The following TTC39A variants were observed in gnomAD, a reference collection of about 807,000 sequenced individuals.
The protein encoded by TTC39A is tetratricopeptide repeat domain 39A, also known as tetratricopeptide repeat protein 39A.
A neutral mutation model predicts 82.3 loss-of-function variants in TTC39A; 46 were observed. That is an observed-to-expected ratio of 0.56 (90% confidence interval 0.44 to 0.71). The LOEUF is 0.71. Among genes scored for constraint, TTC39A ranks in the 30% least tolerant of loss-of-function variants. The pLI, the probability that TTC39A is intolerant of heterozygous loss-of-function variation, is 0.00. For synonymous variants in TTC39A, 254 were observed against 275.2 expected (o/e 0.92, Z 0.76); for missense variants, 543 against 712.9 (o/e 0.76, Z 2.71).
chr1:51,304,966 A>T, intron 8 of TTC39A, 115 bp downstream of exon 8: 1 of 1,102,308 alleles, frequency 9.1e-7, no homozygotes, highest in Non-Finnish European at 1.4e-6. Flanking sequence ...ATACAATGAG[A>T]GGGGCTGAGC....
At chr1:51,310,080 C>G (rs560289477) in intron 5 of TTC39A, among the ~76,000 whole-genome samples, 4 of 151,840 alleles carry the variant, frequency 2.6e-5, no homozygotes, top group African/African-American at 9.7e-5. Context: ...GCCTGGCCAA[C>G]GTGGTGAAAC....
At chr1:51,293,392 ATT>A (rs1377363593) in intron 14 of TTC39A, among the ~76,000 whole-genome samples, 1 of 151,610 alleles carries the variant, frequency 6.6e-6, no homozygotes. Flanking sequence ...ACCATAAAAT[ATT>A]TTAAAACTTT....
chr1:51,321,689 A>AC lies in TTC39A; in HGVS notation c.146+31dup, dbSNP rs1359788243. The AC allele has an allele frequency of 6.2e-7, 1 of 1,602,802 alleles. No homozygotes were observed. The highest frequency in any genetic ancestry group is 1.1e-5 in the South Asian group (1 of 89,706). On this transcript the variant is annotated intron_variant, in intron 2 of 17. Transcript: ENST00000680483. This position sits in a 1 kb window ranked among gnomAD's most constrained non-coding sequence, Gnocchi z 4.6. ...CTGGTTCTCCCTGACCGTCATGCAC[A>AC]CCCCCTACCCCAACCGGGGCTTGAG... is the stretch of plus-strand genomic sequence containing the variant.
chr1:51,289,889 G>T, intron 16 of TTC39A, 116 bp downstream of exon 16: 1 of 745,370 alleles, frequency 1.3e-6, no homozygotes, highest in Non-Finnish European at 2.2e-6. Flanking sequence ...TAGTACCTGT[G>T]TGGTGAGTGG....
In TTC39A at chr1:51,287,922, AT is replaced by A; in HGVS notation, c.*234del. On this transcript the variant is annotated 3_prime_UTR_variant, in exon 18 of 18. Coordinates refer to ENST00000680483, the MANE Select transcript of TTC39A (RefSeq NM_001297663.2). Reference sequence around the variant, plus strand: ...ATCACAGTGAAAAGCAAGTACCCGTATGTGTGATAGGGCAGGCAGAGGGCTC... The same window carrying A: ...ATCACAGTGAAAAGCAAGTACCCGTAGTGTGATAGGGCAGGCAGAGGGCTC... 1 of 523,176 alleles carries A rather than the reference AT, an allele frequency of 1.9e-6. No individual in the cohort carries two copies. The highest frequency in any genetic ancestry group is 5.1e-4 in the Middle Eastern group (1 of 1,966). 32.4% of individuals were successfully genotyped at this position (523,176 alleles called of 1,614,324 possible). A position where few individuals can be genotyped will look rare whatever the true frequency, so the allele number is the denominator to read the frequency against.
chr1:51,313,651 A>G (rs772899780), intron 2 of TTC39A, among the ~76,000 whole-genome samples: 9 of 152,110 alleles, frequency 5.9e-5, no homozygotes, highest in Non-Finnish European at 1.2e-4. Context: ...TCCATGAGAA[A>G]ATCCCACATT....
chr1:51,333,217 C>CA, upstream of TTC39A, among the ~76,000 whole-genome samples: 1 of 115,152 alleles, frequency 8.7e-6, no homozygotes. Context: ...CCATCGCCCC[C>CA]ACCAAAAAAA....
chr1:51,295,231 G>A (rs1004141649), intron 13 of TTC39A, among the ~76,000 whole-genome samples: 1 of 152,174 alleles, frequency 6.6e-6, no homozygotes, highest in Non-Finnish European at 1.5e-5. Context: ...AATGACACCT[G>A]CCCTCCTAGG....
chr1:51,316,304 G>T lies in TTC39A; in HGVS notation c.147-3361C>A, dbSNP rs1204378479. 5.3e-5 allele frequency among the ~76,000 whole-genome samples: 8 copies of T among 152,056 alleles called. No individual in the cohort carries two copies. The East Asian group carries it at 1.5e-3, about 29-fold the overall frequency. ...ATCACACAGAATGGCTCTGCTTCTG[G>T]AGTCTTAAAGGATGCCGCCGCCTTC... On this transcript the variant is annotated intron_variant, in intron 2 of 17. Transcript: ENST00000680483.
At chr1:51,342,175 T>C (rs972280628) in intron 1 of TTC39A, among the ~76,000 whole-genome samples, 2 of 152,144 alleles carry the variant, frequency 1.3e-5, no homozygotes, top group Admixed American at 6.5e-5. Flanking sequence ...GCGGTCCCCA[T>C]TGTAAGATGC....
In TTC39A at chr1:51,290,015, T is replaced by G. The variant is rs368194849; in HGVS notation, c.1483A>C (p.Ile495Leu). The G allele has an allele frequency of 9.9e-6, 16 of 1,613,282 alleles. No homozygotes were observed. In the African/African-American group the frequency reaches 2.0e-4, roughly 20 times the overall value. Residue 495 changes from isoleucine (I) to leucine (L), a missense_variant, in exon 16 of 18, where the codon ATC becomes CTC. Transcript: ENST00000680483. The stretch of plus-strand genomic sequence containing the variant: ...TGCAGAGGCACTTACTTGGCAGAGA[T>G]GCTCCTAAAATTCTCCTCGGCCTCC... Reference protein sequence around the residue: ...VQEAEENFRSISANEKKIKYD... With the variant: ...VQEAEENFRSLSANEKKIKYD...
chr1:51,303,210 TG>T lies in TTC39A; in HGVS notation c.655-19del. The T allele has an allele frequency of 2.1e-6, 1 of 486,414 alleles. No homozygotes were observed. The highest frequency in any genetic ancestry group is 4.0e-6 in the Non-Finnish European group (1 of 249,812). The allele number at this position is 486,414 out of a possible 1,614,324, so 30.1% of individuals were successfully genotyped here. ...CCATAGTCCTGAGGGGATGGGAGGG[TG>T]GGTGAGGCTCCCAGAGAGGGCAGGG... On this transcript the variant is annotated intron_variant, in intron 8 of 17. Coordinates refer to ENST00000680483, the MANE Select transcript of TTC39A (RefSeq NM_001297663.2).
At chr1:51,343,014 AC>A (rs1557752961) in intron 1 of TTC39A, 4 of 455,760 alleles carry the variant, frequency 8.8e-6, no homozygotes, top group Non-Finnish European at 1.3e-5. Context: ...TACACGGGAG[AC>A]CCCGAAGGCT....
intron 14 of TTC39A, among the ~76,000 whole-genome samples, chr1:51,293,151 T>C (rs903896756): frequency 1.3e-5 from 2 of 149,864 alleles, no homozygotes; most frequent in African/African-American, 4.9e-5. Flanking sequence ...CACTGCAACC[T>C]CCACCTTTCA....
At chr1:51,342,837 A>G (rs1488227934) in intron 1 of TTC39A, among the ~76,000 whole-genome samples, 1 of 152,060 alleles carries the variant, frequency 6.6e-6, no homozygotes, top group African/African-American at 2.4e-5. Context: ...GGCCACCCCT[A>G]CACCTTCTCC....
At chr1:51,290,699 G>A (rs1383555244) in intron 14 of TTC39A, 74 bp from the exon 15 acceptor site, 1 of 1,260,360 alleles carries the variant, frequency 7.9e-7, no homozygotes, top group Non-Finnish European at 1.1e-6. Flanking sequence ...TACAAAATGG[G>A]CAGTTCAGAT....
Position 51,321,139 on chromosome 1 carries a change from G to T in TTC39A, c.146+582C>A, listed in dbSNP as rs988670466. Among the ~76,000 whole-genome samples, 9 of 152,194 alleles carry T rather than the reference G, an allele frequency of 5.9e-5. No individual in the cohort carries two copies. The highest frequency in any genetic ancestry group is 1.9e-4 in the African/African-American group (8 of 41,446). On this transcript the variant is annotated intron_variant, in intron 2 of 17. Transcript: ENST00000680483. This position sits in a 1 kb window ranked among gnomAD's most constrained non-coding sequence, Gnocchi z 4.6. ...TCCACCCGCCTTGGCCTCCCAAAGT[G>T]CTGGGATTACAAGCGTGAGCCACCA...
chr1:51,321,690 C>A lies in TTC39A; in HGVS notation c.146+31G>T, dbSNP rs186664308. Reference sequence around the variant, plus strand: ...TGGTTCTCCCTGACCGTCATGCACACCCCCTACCCCAACCGGGGCTTGAGC... The same window carrying A: ...TGGTTCTCCCTGACCGTCATGCACAACCCCTACCCCAACCGGGGCTTGAGC... On this transcript the variant is annotated intron_variant, in intron 2 of 17. Coordinates refer to ENST00000680483, the MANE Select transcript of TTC39A (RefSeq NM_001297663.2). The surrounding 1 kb of genome is among the most constrained non-coding windows in gnomAD (Gnocchi z 4.6). 290 of 1,602,854 alleles carry A rather than the reference C, an allele frequency of 1.8e-4. 1 individual carries two copies. The Admixed American group carries it at 2.5e-3, about 14-fold the overall frequency.
rs543680135 is a variant in TTC39A at position 51,291,731 on chromosome 1, A to G, written c.1267-1106T>C. ...TTAGGTGGGAGGATCGCTGGAGCCCAAGAAATCTAGGCTGCAGTGAGCTAT... is the reference window on the plus strand; with the variant it reads ...TTAGGTGGGAGGATCGCTGGAGCCCGAGAAATCTAGGCTGCAGTGAGCTAT... On this transcript the variant is annotated intron_variant, in intron 14 of 17. Coordinates refer to ENST00000680483, the MANE Select transcript of TTC39A (RefSeq NM_001297663.2). 5.2e-4 allele frequency among the ~76,000 whole-genome samples: 78 copies of G among 151,078 alleles called. 1 individual carries two copies. Among genetic ancestry groups the G allele is most frequent in the Admixed American group, 3.6e-3 (55 of 15,166 alleles).
Sources: gnomAD v4.1 joint callset for allele counts (sites outside exome capture counted in the v4.1 genomes callset) on GRCh38, gnomAD v4.1.1 for gene constraint, Gnocchi (gnomAD v3.1) non-coding constraint, MANE v1.5 for transcripts, NCBI Gene and HGNC (gene_info 2026-07-23, HGNC 2026-07-21) for gene names.